LRRC3B: variants seen among roughly 807,000 people sequenced by gnomAD.
The protein encoded by LRRC3B is leucine rich repeat containing 3B, also known as leucine-rich repeat-containing protein 3B.
A neutral mutation model predicts 12.8 loss-of-function variants in LRRC3B; 2 were observed. That is an observed-to-expected ratio of 0.16 (90% CI 0.06 to 0.49). The LOEUF (loss-of-function observed/expected upper bound fraction) is 0.49. Ranked by LOEUF, LRRC3B falls within the 20% of genes least tolerant of loss-of-function variation. The pLI is 0.96. For synonymous variants in LRRC3B, 132 were observed against 122.0 expected, an observed-to-expected ratio of 1.08 and a Z score of -0.54; for missense variants, 189 against 319.4, an observed-to-expected ratio of 0.59 and a Z score of 3.11.
At chr3:26,695,041 C>T (rs973538737) in intron 1 of LRRC3B, among the ~76,000 whole-genome samples, 6 of 150,708 alleles carry the variant, frequency 4.0e-5, no homozygotes, top group African/African-American at 9.7e-5. Flanking sequence ...AAAGCTTTTG[C>T]GTGTGTGTGT....
intron 1 of LRRC3B, among the ~76,000 whole-genome samples, chr3:26,650,623 T>C (rs896618022): frequency 8.5e-5 from 13 of 152,206 alleles, no homozygotes; most frequent in African/African-American, 3.1e-4. Flanking sequence ...CAAACAATGT[T>C]AGTGATAAAA....
chr3:26,673,181 G>T (rs1699788331), intron 1 of LRRC3B, among the ~76,000 whole-genome samples: 1 of 152,170 alleles, frequency 6.6e-6, no homozygotes, highest in Non-Finnish European at 1.5e-5. Context: ...AGTGGTCATA[G>T]GTTGCTTTTA....
At chr3:26,656,176 C>G (rs61069641) in intron 1 of LRRC3B, among the ~76,000 whole-genome samples, 41,986 of 152,064 alleles carry the variant, frequency 0.28, 7,738 homozygotes, top group African/African-American at 0.51. Context: ...GCTGCTGCCA[C>G]TGCCACTGCC....
At chr3:26,701,974 A>G (rs1700467007) in intron 1 of LRRC3B, among the ~76,000 whole-genome samples, 1 of 152,204 alleles carries the variant, frequency 6.6e-6, no homozygotes, top group African/African-American at 2.4e-5. Context: ...TTCATCACTT[A>G]ACAAATACCT....
At chr3:26,700,616 G>A (rs1700429752) in intron 1 of LRRC3B, among the ~76,000 whole-genome samples, 1 of 152,096 alleles carries the variant, frequency 6.6e-6, no homozygotes, top group African/African-American at 2.4e-5. Context: ...TAAGGCAAAT[G>A]GATAATTTTA....
intron 1 of LRRC3B, among the ~76,000 whole-genome samples, chr3:26,653,453 G>A (rs1211707774): frequency 6.6e-6 from 1 of 152,102 alleles, no homozygotes; most frequent in Non-Finnish European, 1.5e-5. Context: ...TGCAGAAATT[G>A]ATCTGTCATT....
intron 1 of LRRC3B, among the ~76,000 whole-genome samples, chr3:26,668,859 C>A (rs1027123249): frequency 6.6e-6 from 1 of 152,102 alleles, no homozygotes; most frequent in African/African-American, 2.4e-5. Context: ...GCTGGAATGC[C>A]TTCTATAAGT....
intron 1 of LRRC3B, among the ~76,000 whole-genome samples, chr3:26,632,857 G>A (rs898981095): frequency 3.3e-5 from 5 of 152,054 alleles, no homozygotes; most frequent in African/African-American, 1.2e-4. Flanking sequence ...GGCATACCCT[G>A]TGCTCTGGTG....
At chr3:26,637,380 C>G (rs1028851631) in intron 1 of LRRC3B, among the ~76,000 whole-genome samples, 1 of 152,186 alleles carries the variant, frequency 6.6e-6, no homozygotes, top group Non-Finnish European at 1.5e-5. Flanking sequence ...TCCACCACCT[C>G]AAATTCACCG....
chr3:26,662,610 TG>T (rs1052510613), intron 1 of LRRC3B, among the ~76,000 whole-genome samples: 24 of 152,132 alleles, frequency 1.6e-4, no homozygotes, highest in African/African-American at 5.5e-4. Context: ...ATGTGGGATG[TG>T]TGTATGAGTG....
chr3:26,655,156 C>A (rs1008546971), intron 1 of LRRC3B, among the ~76,000 whole-genome samples: 7 of 151,992 alleles, frequency 4.6e-5, no homozygotes, highest in Non-Finnish European at 5.9e-5. Context: ...CCTTAAAAAT[C>A]AATACCATAA....
At chr3:26,633,236 G>T (rs78987777) in intron 1 of LRRC3B, among the ~76,000 whole-genome samples, 1 of 152,062 alleles carries the variant, frequency 6.6e-6, no homozygotes, top group East Asian at 1.9e-4. Flanking sequence ...TTCATCCAAA[G>T]GTAGCCCGAC....
chr3:26,667,570 C>T (rs1699632061), intron 1 of LRRC3B, among the ~76,000 whole-genome samples: 1 of 152,248 alleles, frequency 6.6e-6, no homozygotes, highest in East Asian at 1.9e-4. Context: ...AGTCTTCTGA[C>T]CTGGAAGGGC....
rs142249361 is a variant in LRRC3B, at chr3:26,690,307, C to T, written c.-160-19206C>T. On this transcript the variant is annotated intron_variant, in intron 1 of 1. Coordinates refer to ENST00000396641, the Ensembl canonical transcript of LRRC3B. ...TATCTTGTTCTGGAAATGGCTGTCTCTCCTCTGCTTGACTTTCTTAGTTTT... is the reference window on the plus strand; with the variant it reads ...TATCTTGTTCTGGAAATGGCTGTCTTTCCTCTGCTTGACTTTCTTAGTTTT... Among the ~76,000 whole-genome samples the T allele has an allele frequency of 5.9e-5, 9 of 152,276 alleles. No individual in the cohort carries two copies. The East Asian group carries it at 1.7e-3, about 29-fold the overall frequency.
At chr3:26,672,533 G>A (rs1258099315) in intron 1 of LRRC3B, among the ~76,000 whole-genome samples, 1 of 152,200 alleles carries the variant, frequency 6.6e-6, no homozygotes, top group Non-Finnish European at 1.5e-5. Context: ...CTATCATCCT[G>A]TTCCTGAACT....
intron 1 of LRRC3B, among the ~76,000 whole-genome samples, chr3:26,684,101 G>C (rs115907839): frequency 6.6e-6 from 1 of 152,138 alleles, no homozygotes; most frequent in East Asian, 1.9e-4. Flanking sequence ...TCAGGATCAC[G>C]GTTGGATGAA....
chr3:26,671,833 T>A (rs1169191238), intron 1 of LRRC3B, among the ~76,000 whole-genome samples: 2 of 152,202 alleles, frequency 1.3e-5, no homozygotes, highest in Non-Finnish European at 2.9e-5. Context: ...TTTAGATATC[T>A]GTCCTAGAAT....
At chr3:26,662,720 T>A (rs1050541333) in intron 1 of LRRC3B, among the ~76,000 whole-genome samples, 14 of 152,124 alleles carry the variant, frequency 9.2e-5, no homozygotes, top group African/African-American at 3.1e-4. Context: ...GAATGTCTCT[T>A]GAGTCCTACC....
At chr3:26,652,858 A>G (rs780447905) in intron 1 of LRRC3B, among the ~76,000 whole-genome samples, 39 of 152,178 alleles carry the variant, frequency 2.6e-4, no homozygotes, top group Non-Finnish European at 3.2e-4. Flanking sequence ...ATGCTAAAAA[A>G]TATTTTTGTT....
Sources: allele counts gnomAD v4.1 joint callset (sites outside exome capture counted in the v4.1 genomes callset), GRCh38; gene constraint gnomAD v4.1.1; transcripts MANE v1.5; gene names NCBI Gene and HGNC (gene_info 2026-07-23, HGNC 2026-07-21).